KCNH8: variants seen among roughly 807,000 people sequenced by gnomAD.
The protein encoded by KCNH8 is potassium voltage-gated channel subfamily H member 8.
KCNH8 carries 70 observed loss-of-function variants against 103.6 expected under a neutral mutation model. The observed-to-expected ratio is 0.68, with a 90% confidence interval of 0.56 to 0.82. The LOEUF is 0.82. Among genes scored for constraint, KCNH8 ranks in the 40% least tolerant of loss-of-function variants. KCNH8 has a pLI of 0.00. For missense variants in KCNH8, 1,217 were observed against 1,329.9 expected (o/e 0.92, Z 1.32); for synonymous variants, 498 against 489.4 (o/e 1.02, Z -0.23).
At chr3:19,503,313 C>T (rs529014463) in intron 11 of KCNH8, among the ~76,000 whole-genome samples, 158 of 152,232 alleles carry the variant, frequency 1.0e-3, no homozygotes, top group African/African-American at 3.5e-3. Context: ...AATAGGAACA[C>T]TTTTACACTG....
intron 11 of KCNH8, among the ~76,000 whole-genome samples, chr3:19,478,015 T>G (rs189773900): frequency 4.5e-4 from 68 of 152,290 alleles, no homozygotes; most frequent in African/African-American, 1.4e-3. Flanking sequence ...ATGCAAGTAT[T>G]TGACTTTCTG....
At chr3:19,290,088 A>G (rs1379820317) in intron 3 of KCNH8, among the ~76,000 whole-genome samples, 3 of 152,138 alleles carry the variant, frequency 2.0e-5, no homozygotes, top group African/African-American at 7.2e-5. Flanking sequence ...ATTTTTGTAC[A>G]TTGATTTTGT....
At chr3:19,271,948 A>G (rs767487009) in intron 2 of KCNH8, among the ~76,000 whole-genome samples, 2 of 152,122 alleles carry the variant, frequency 1.3e-5, no homozygotes, top group Non-Finnish European at 2.9e-5. Context: ...AAAAATAATA[A>G]TTCACTGAAA....
intron 7 of KCNH8, among the ~76,000 whole-genome samples, chr3:19,412,287 T>C (rs897459038): frequency 1.3e-5 from 2 of 151,840 alleles, no homozygotes; most frequent in African/African-American, 4.8e-5. Flanking sequence ...AAATAAGCAA[T>C]GGGGGAAAAG....
chr3:19,182,165 C>T (rs1460039769), intron 1 of KCNH8, among the ~76,000 whole-genome samples: 2 of 152,176 alleles, frequency 1.3e-5, no homozygotes, highest in Non-Finnish European at 2.9e-5. Context: ...GAATCTGCTT[C>T]GCTATCCCTT....
At chr3:19,511,835 G>A (rs1222964398) in intron 12 of KCNH8, among the ~76,000 whole-genome samples, 1 of 152,058 alleles carries the variant, frequency 6.6e-6, no homozygotes, top group African/African-American at 2.4e-5. Context: ...CAGCACCTAT[G>A]GCCTAAACTG....
intron 1 of KCNH8, among the ~76,000 whole-genome samples, chr3:19,230,886 G>A (rs2063986808): frequency 6.6e-6 from 1 of 152,146 alleles, no homozygotes; most frequent in African/African-American, 2.4e-5. Context: ...TTTTGGAAAT[G>A]TCCTTACCAT....
At chr3:19,518,971 AAGAC>A (rs1460340986) in intron 15 of KCNH8, among the ~76,000 whole-genome samples, 4 of 152,038 alleles carry the variant, frequency 2.6e-5, no homozygotes, top group African/African-American at 7.2e-5. Flanking sequence ...ACAGAGAAGT[AAGAC>A]AGAAAAGGAA....
At chr3:19,508,159 G>A (rs1357990907) in intron 11 of KCNH8, among the ~76,000 whole-genome samples, 2 of 152,038 alleles carry the variant, frequency 1.3e-5, no homozygotes, top group African/African-American at 2.4e-5. Flanking sequence ...ATTTTGTTGA[G>A]GATTTTTATG....
intron 3 of KCNH8, among the ~76,000 whole-genome samples, chr3:19,328,087 C>T (rs1299219112): frequency 1.3e-5 from 2 of 151,970 alleles, no homozygotes; most frequent in African/African-American, 4.8e-5. Flanking sequence ...TTGAAAATTT[C>T]TAACCACTGT....
Position 19,148,726 on chromosome 3 carries a change from G to A in KCNH8, c.7G>A (p.Val3Ile). 3 of 1,614,076 alleles carry A rather than the reference G, an allele frequency of 1.9e-6. No homozygotes were observed. In the South Asian group the frequency reaches 3.3e-5, roughly 18 times the overall value. The change falls in exon 1 of 16, where the codon GTT becomes ATT. Residue 3 changes from valine (V) to isoleucine (I), a missense_variant. Physicochemically the swap from Val to Ile is conservative, Grantham distance 29. Transcript: ENST00000328405. MP[V>I]MKGLLAPQNT... ...TTCACACCACGCTGGAAAAATGCCG[G>A]TTATGAAAGGATTACTGGCGCCGCA...
intron 5 of KCNH8, among the ~76,000 whole-genome samples, chr3:19,376,096 G>T (rs1197984296): frequency 1.3e-5 from 2 of 152,194 alleles, no homozygotes; most frequent in Non-Finnish European, 2.9e-5. Flanking sequence ...ACAGAGGCAG[G>T]CAGGCCTCCT....
chr3:19,192,622 A>G (rs7631841), intron 1 of KCNH8, among the ~76,000 whole-genome samples: 10,291 of 151,710 alleles, frequency 0.068, 1,230 homozygotes, highest in African/African-American at 0.23. Flanking sequence ...TATTTGGGAA[A>G]CGAGGAGATT....
At chr3:19,293,177 C>T (rs955002073) in intron 3 of KCNH8, among the ~76,000 whole-genome samples, 1 of 152,084 alleles carries the variant, frequency 6.6e-6, no homozygotes, top group Non-Finnish European at 1.5e-5. Context: ...CTGCCCAATG[C>T]CTCGGTGCTG....
At chr3:19,476,791 C>A (rs1325089317) in intron 11 of KCNH8, among the ~76,000 whole-genome samples, 3 of 152,196 alleles carry the variant, frequency 2.0e-5, no homozygotes, top group Non-Finnish European at 2.9e-5. Flanking sequence ...TAGTAAATAA[C>A]CCTCTTTCCC....
At chr3:19,174,521 G>A (rs1479075484) in intron 1 of KCNH8, among the ~76,000 whole-genome samples, 2 of 152,084 alleles carry the variant, frequency 1.3e-5, no homozygotes, top group African/African-American at 4.8e-5. Flanking sequence ...TTCTAATTTG[G>A]ACCTCATTCA....
rs150860892 is a variant in KCNH8, at chr3:19,436,432, G to T, written c.1178-1732G>T. 3.4e-3 allele frequency among the ~76,000 whole-genome samples: 524 copies of T among 152,270 alleles called. 3 individuals are homozygous for T. Among genetic ancestry groups the T allele is most frequent in the African/African-American group, 0.012 (499 of 41,542 alleles). ...TACAGTCACATGTTGTCTTGTTACC[G>T]TGGAACATGTACTGTCATTTCAGAA... is the stretch of plus-strand genomic sequence containing the variant. On this transcript the variant is annotated intron_variant, in intron 7 of 15. Transcript: ENST00000328405.
At chr3:19,479,222 C>G (rs78963585) in intron 11 of KCNH8, among the ~76,000 whole-genome samples, 2,067 of 152,182 alleles carry the variant, frequency 0.014, 47 homozygotes, top group African/African-American at 0.045. Context: ...TTCTCCGGCT[C>G]TCGTCCAGAA....
At chr3:19,242,884 CA>C (rs2125246013) in intron 1 of KCNH8, among the ~76,000 whole-genome samples, 1 of 152,090 alleles carries the variant, frequency 6.6e-6, no homozygotes, top group African/African-American at 2.4e-5. Flanking sequence ...GGTTTGGTGA[CA>C]ACAAAAGAAA....
Sources: allele counts gnomAD v4.1 joint callset (sites outside exome capture counted in the v4.1 genomes callset), GRCh38; gene constraint gnomAD v4.1.1; transcripts MANE v1.5; gene names NCBI Gene and HGNC (gene_info 2026-07-23, HGNC 2026-07-21).